The following CNTNAP2 variants were observed in gnomAD, a reference collection of about 807,000 sequenced individuals.
The protein encoded by CNTNAP2 is contactin-associated protein-like 2.
In CNTNAP2, 98 loss-of-function variants were observed where a neutral mutation model predicts 155.2. The observed-to-expected ratio is 0.63, with a 90% CI of 0.54 to 0.75. CNTNAP2 has a LOEUF of 0.75. Among genes scored for constraint, CNTNAP2 ranks in the 30% least tolerant of loss-of-function variants. The pLI, the probability that CNTNAP2 is intolerant of heterozygous loss-of-function variation, is 0.00. For missense variants in CNTNAP2, 1,727 were observed against 1,688.1 expected (o/e 1.02, Z -0.40); for synonymous variants, 651 against 631.2 (o/e 1.03, Z -0.47).
At chr7:147,743,899 T>C (rs534304826) in intron 13 of CNTNAP2, among the ~76,000 whole-genome samples, 1 of 152,264 alleles carries the variant, frequency 6.6e-6, no homozygotes, top group Non-Finnish European at 1.5e-5. Context: ...TTAGGGGCCC[T>C]GGAGCCCCAC....
chr7:147,413,532 A>C (rs185526029), intron 10 of CNTNAP2, among the ~76,000 whole-genome samples: 113 of 152,338 alleles, frequency 7.4e-4, no homozygotes, highest in African/African-American at 2.5e-3. Context: ...CTGGAGATGG[A>C]AGCTCAGGCA....
At position 146,440,039 on chromosome 7, in the gene CNTNAP2, G is replaced by A. The variant is rs572967939; in HGVS notation, c.97+323066G>A. 7.3e-5 allele frequency among the ~76,000 whole-genome samples: 11 copies of A among 151,674 alleles called. No individual in the cohort carries two copies. The South Asian group carries it at 2.3e-3, about 31-fold the overall frequency. On this transcript the variant is annotated intron_variant, in intron 1 of 23. Transcript: ENST00000361727. ...CTCTGGAAGCTGTGGCAGGAGAATC[G>A]CTTGAACCCGGGAGGCAGAGGTTGC...
At chr7:146,742,687 A>G (rs2129181203) in intron 1 of CNTNAP2, among the ~76,000 whole-genome samples, 1 of 151,982 alleles carries the variant, frequency 6.6e-6, no homozygotes, top group Non-Finnish European at 1.5e-5. Context: ...AGAGAAGAGT[A>G]AAAAATCAAT....
intron 14 of CNTNAP2, among the ~76,000 whole-genome samples, chr7:147,909,678 G>A (rs1800026104): frequency 6.6e-6 from 1 of 152,162 alleles, no homozygotes; most frequent in Admixed American, 6.6e-5. Context: ...GGCCACTGCT[G>A]GGTAATTCCT....
intron 3 of CNTNAP2, among the ~76,000 whole-genome samples, chr7:146,897,963 T>G (rs1795911862): frequency 6.6e-6 from 1 of 152,110 alleles, no homozygotes; most frequent in South Asian, 2.1e-4. Context: ...TAAAAACAAT[T>G]CAGTGAATGC....
intron 1 of CNTNAP2, among the ~76,000 whole-genome samples, chr7:146,145,265 T>C (rs1004801187): frequency 2.6e-4 from 39 of 152,208 alleles, no homozygotes; most frequent in Admixed American, 6.5e-4. Flanking sequence ...GAGTCACATT[T>C]GAAGCCTTCC....
At chr7:147,143,170 A>G (rs1351537077) in intron 8 of CNTNAP2, among the ~76,000 whole-genome samples, 2 of 152,064 alleles carry the variant, frequency 1.3e-5, no homozygotes, top group Non-Finnish European at 2.9e-5. Flanking sequence ...AGACTGTTGC[A>G]GTTTCCTTGC....
At chr7:146,688,971 C>A (rs1032091790) in intron 1 of CNTNAP2, among the ~76,000 whole-genome samples, 1 of 152,220 alleles carries the variant, frequency 6.6e-6, no homozygotes, top group East Asian at 1.9e-4. Flanking sequence ...CTATGTTCAT[C>A]TTTTATTATA....
At chr7:147,606,031 A>C (rs1801056908) in intron 12 of CNTNAP2, among the ~76,000 whole-genome samples, 1 of 151,984 alleles carries the variant, frequency 6.6e-6, no homozygotes, top group Admixed American at 6.6e-5. Flanking sequence ...GGTAACCCCC[A>C]GGCAAGCAAA....
chr7:146,760,408 C>CTTTTTTTTTTTTTTTTTTTT (rs1284570579), intron 1 of CNTNAP2, among the ~76,000 whole-genome samples: 2 of 78,892 alleles, frequency 2.5e-5, no homozygotes, highest in Admixed American at 1.3e-4. Flanking sequence ...CTCCAATTTA[C>CTTTTTTTTTTTTTTTTTTTT]CTTTTTTTTT....
intron 8 of CNTNAP2, among the ~76,000 whole-genome samples, chr7:147,158,411 C>G (rs77319867): frequency 0.025 from 3,849 of 152,136 alleles, 76 homozygotes; most frequent in Middle Eastern, 0.062. Flanking sequence ...GATAATAGTT[C>G]TTCAGTGACT....
chr7:148,018,744 C>T (rs1802226251), intron 15 of CNTNAP2, among the ~76,000 whole-genome samples: 1 of 152,190 alleles, frequency 6.6e-6, no homozygotes, highest in Admixed American at 6.5e-5. Context: ...GGAAGGAGTC[C>T]CATGCTCTCA....
chr7:146,640,905 G>A (rs1310803236), intron 1 of CNTNAP2, among the ~76,000 whole-genome samples: 3 of 152,192 alleles, frequency 2.0e-5, no homozygotes, highest in Non-Finnish European at 4.4e-5. Context: ...ACAAATGTAA[G>A]GAAGACAACA....
chr7:148,363,995 G>A (rs1224325111), intron 21 of CNTNAP2, among the ~76,000 whole-genome samples: 10 of 152,286 alleles, frequency 6.6e-5, no homozygotes, highest in East Asian at 5.8e-4. Context: ...CAGCAGTGCC[G>A]GCCCACCGGC....
At chr7:147,049,332 AAT>A (rs758241392) in intron 4 of CNTNAP2, among the ~76,000 whole-genome samples, 3 of 152,166 alleles carry the variant, frequency 2.0e-5, no homozygotes, top group African/African-American at 7.2e-5. Flanking sequence ...TACATTTTAA[AAT>A]ATATATATGT....
intron 21 of CNTNAP2, among the ~76,000 whole-genome samples, chr7:148,269,619 G>A (rs1796738802): frequency 6.6e-6 from 1 of 152,214 alleles, no homozygotes; most frequent in South Asian, 2.1e-4. Flanking sequence ...GCAGAGTTTG[G>A]AAGCGAGGTC....
intron 10 of CNTNAP2, among the ~76,000 whole-genome samples, chr7:147,439,031 A>T (rs1316146326): frequency 6.6e-6 from 1 of 151,994 alleles, no homozygotes; most frequent in Non-Finnish European, 1.5e-5. Context: ...CTTTTCAAAA[A>T]ACCAACTTTT....
At chr7:146,624,858 G>A (rs943017394) in intron 1 of CNTNAP2, among the ~76,000 whole-genome samples, 1 of 151,746 alleles carries the variant, frequency 6.6e-6, no homozygotes, top group Admixed American at 6.6e-5. Context: ...TCATAAACCT[G>A]GAAGATATTT....
intron 12 of CNTNAP2, among the ~76,000 whole-genome samples, chr7:147,631,124 G>T (rs1795079004): frequency 6.6e-6 from 1 of 152,098 alleles, no homozygotes; most frequent in Non-Finnish European, 1.5e-5. Context: ...ATTTAGTAAA[G>T]TTTCAGGATA....
Sources: allele counts gnomAD v4.1 joint callset (sites outside exome capture counted in the v4.1 genomes callset), GRCh38; gene constraint gnomAD v4.1.1; transcripts MANE v1.5; gene names NCBI Gene and HGNC (gene_info 2026-07-23, HGNC 2026-07-21).